The following PCDH15 variants were observed in gnomAD, a reference collection of about 807,000 sequenced individuals.
PCDH15 encodes protocadherin related 15, also known as protocadherin-15.
PCDH15 carries 129 observed loss-of-function variants against 178.5 expected under a neutral mutation model. That is an observed-to-expected ratio of 0.72 (90% confidence interval 0.63 to 0.84). The LOEUF is 0.84. PCDH15 is among the 40% of genes least tolerant of loss of function. The probability of loss-of-function intolerance (pLI) is 0.00; values close to 1 mark genes in which losing one functional copy is unlikely to be tolerated. For missense variants in PCDH15, 2,230 were observed against 2,099.9 expected, an observed-to-expected ratio of 1.06 and a Z score of -1.21; for synonymous variants, 800 against 732.0, an observed-to-expected ratio of 1.09 and a Z score of -1.50.
chr10:53,944,327 C>A lies in PCDH15; in HGVS notation c.3123-3352G>T, dbSNP rs535433156. Reference sequence around the variant, plus strand: ...AAAGCAGATTAACTATCTCTAATGTCTTTTCTAGTTCTACCATTCTGAACC... The same window carrying A: ...AAAGCAGATTAACTATCTCTAATGTATTTTCTAGTTCTACCATTCTGAACC... On this transcript the variant is annotated intron_variant, in intron 23 of 37. Coordinates refer to ENST00000644397, the MANE Select transcript of PCDH15 (RefSeq NM_001384140.1). Among the ~76,000 whole-genome samples the A allele has an allele frequency of 4.6e-5, 7 of 152,242 alleles. No individual in the cohort carries two copies. In the East Asian group the frequency reaches 9.7e-4, roughly 21 times the overall value.
At chr10:54,253,671 C>T (rs536800253) in intron 8 of PCDH15, among the ~76,000 whole-genome samples, 99 of 152,062 alleles carry the variant, frequency 6.5e-4, no homozygotes, top group African/African-American at 2.3e-3. Context: ...TTTATAAATG[C>T]AATGTGAACT....
At chr10:54,539,569 A>G (rs956413950) in intron 2 of PCDH15, among the ~76,000 whole-genome samples, 2 of 152,304 alleles carry the variant, frequency 1.3e-5, no homozygotes, top group South Asian at 4.1e-4. Flanking sequence ...TAGACAAATC[A>G]TTGAGTCAGA....
intron 3 of PCDH15, among the ~76,000 whole-genome samples, chr10:54,383,629 T>TTG (rs71461236): frequency 0.011 from 1,275 of 117,560 alleles, 28 homozygotes; most frequent in African/African-American, 0.04. Flanking sequence ...ATGTGTGTTT[T>TTG]TGTGTGTGTG....
intron 2 of PCDH15, among the ~76,000 whole-genome samples, chr10:54,914,404 C>A (rs1055804060): frequency 6.6e-6 from 1 of 151,996 alleles, no homozygotes; most frequent in African/African-American, 2.4e-5. Context: ...CAATGATGGG[C>A]CAGTTTGAAA....
intron 2 of PCDH15, among the ~76,000 whole-genome samples, chr10:54,651,788 T>G (rs1463089059): frequency 2.6e-5 from 4 of 152,202 alleles, no homozygotes; most frequent in Non-Finnish European, 5.9e-5. Flanking sequence ...TTACTTATAT[T>G]TCACTGCCCA....
chr10:55,387,912 T>A (rs567655053), intron 2 of PCDH15, among the ~76,000 whole-genome samples: 3 of 152,042 alleles, frequency 2.0e-5, no homozygotes, highest in African/African-American at 7.2e-5. Flanking sequence ...TATGTTTGGA[T>A]CATTAAATTT....
At chr10:54,074,857 ATGT>A (rs1370844614) in intron 17 of PCDH15, among the ~76,000 whole-genome samples, 2 of 151,944 alleles carry the variant, frequency 1.3e-5, no homozygotes, top group Admixed American at 6.5e-5. Context: ...TCAACATGTT[ATGT>A]TGTTGTTGTT....
intron 1 of PCDH15, among the ~76,000 whole-genome samples, chr10:55,271,408 G>A (rs1842440872): frequency 6.6e-6 from 1 of 151,876 alleles, no homozygotes; most frequent in South Asian, 2.1e-4. Context: ...GTTGAAAAAG[G>A]GTAGTTTTAC....
At chr10:54,209,928 C>T (rs2051230998) in intron 10 of PCDH15, among the ~76,000 whole-genome samples, 1 of 152,008 alleles carries the variant, frequency 6.6e-6, no homozygotes, top group African/African-American at 2.4e-5. Context: ...AGTAGCTGTC[C>T]TCCTCTTAGC....
chr10:54,148,413 C>T (rs778201260), intron 14 of PCDH15, among the ~76,000 whole-genome samples: 58 of 151,900 alleles, frequency 3.8e-4, no homozygotes, highest in Non-Finnish European at 5.3e-4. Context: ...TAAATCATCT[C>T]GAGATTACTT....
chr10:54,698,318 G>A (rs190280477), intron 1 of PCDH15, among the ~76,000 whole-genome samples: 2 of 152,258 alleles, frequency 1.3e-5, no homozygotes, highest in East Asian at 3.9e-4. Context: ...CACAGATACA[G>A]TGACATGGGT....
intron 2 of PCDH15, among the ~76,000 whole-genome samples, chr10:54,644,518 G>T (rs111767133): frequency 2.5e-3 from 377 of 151,942 alleles, no homozygotes; most frequent in African/African-American, 8.6e-3. Flanking sequence ...GACTCCTTCT[G>T]GTATTAAGAA....
At chr10:55,068,725 G>A (rs1841633211) in intron 2 of PCDH15, among the ~76,000 whole-genome samples, 1 of 151,744 alleles carries the variant, frequency 6.6e-6, no homozygotes, top group African/African-American at 2.4e-5. Context: ...CAAGACCTTG[G>A]ATGTCTCTCC....
At chr10:54,745,962 G>A (rs2132884420) in intron 1 of PCDH15, among the ~76,000 whole-genome samples, 1 of 152,264 alleles carries the variant, frequency 6.6e-6, no homozygotes, top group East Asian at 1.9e-4. Flanking sequence ...TATTGGAATA[G>A]TAGTCAAAAT....
At chr10:54,665,495 C>G (rs776543508) in intron 1 of PCDH15, among the ~76,000 whole-genome samples, 1 of 151,958 alleles carries the variant, frequency 6.6e-6, no homozygotes. Flanking sequence ...TACAAAGGCA[C>G]GATTTTAATT....
At chr10:54,637,139 A>C (rs1590734924) in intron 2 of PCDH15, among the ~76,000 whole-genome samples, 1 of 151,948 alleles carries the variant, frequency 6.6e-6, no homozygotes, top group African/African-American at 2.4e-5. Context: ...AAAAAAAAAA[A>C]AACAATTCAG....
intron 2 of PCDH15, among the ~76,000 whole-genome samples, chr10:54,662,669 A>G (rs372876316): frequency 6.6e-6 from 1 of 152,038 alleles, no homozygotes; most frequent in East Asian, 1.9e-4. Context: ...AACTAAAATT[A>G]CATTACTAAA....
At chr10:54,970,810 A>G (rs1413395572) in intron 2 of PCDH15, among the ~76,000 whole-genome samples, 1 of 152,150 alleles carries the variant, frequency 6.6e-6, no homozygotes, top group African/African-American at 2.4e-5. Flanking sequence ...ACAGGCCTCA[A>G]GATTTAAAGT....
chr10:55,493,858 A>T (rs1441455130), intron 2 of PCDH15, among the ~76,000 whole-genome samples: 1 of 151,904 alleles, frequency 6.6e-6, no homozygotes, highest in Non-Finnish European at 1.5e-5. Context: ...AATTATTTAT[A>T]GAATTACAAA....
Sources: gnomAD v4.1 joint callset for allele counts (sites outside exome capture counted in the v4.1 genomes callset) on GRCh38, gnomAD v4.1.1 for gene constraint, MANE v1.5 for transcripts, NCBI Gene and HGNC (gene_info 2026-07-23, HGNC 2026-07-21) for gene names.